Variants in MSI1 observed in about 807,000 individuals in gnomAD.
The protein encoded by MSI1 is musashi RNA binding protein 1.
Under a neutral mutation model 54.4 loss-of-function variants are expected in MSI1, and 15 were observed. That is an observed-to-expected ratio of 0.28 (90% CI 0.18 to 0.42). The LOEUF is 0.42. MSI1 is among the 20% of genes least tolerant of loss of function. The pLI, the probability that MSI1 is intolerant of heterozygous loss-of-function variation, is 1.00. For missense variants in MSI1, 304 were observed against 506.0 expected (o/e 0.60, Z 3.83); for synonymous variants, 200 against 196.5 (o/e 1.02, Z -0.15).
rs541014661 is a variant in MSI1, at chr12:120,360,020, C to G, written c.403-967G>C. Among the ~76,000 whole-genome samples the G allele has an allele frequency of 2.6e-5, 4 of 152,216 alleles. No homozygotes were observed. The South Asian group carries it at 8.3e-4, about 32-fold the overall frequency. ...TTTTTTTTGGAGACAGAGTCTTACTCTGTCACCCAGGCTGGAGTTCTGTGG... is the reference window on the plus strand; with the variant it reads ...TTTTTTTTGGAGACAGAGTCTTACTGTGTCACCCAGGCTGGAGTTCTGTGG... On this transcript the variant is annotated intron_variant, in intron 6 of 14. Coordinates refer to ENST00000257552, the MANE Select transcript of MSI1 (RefSeq NM_002442.4).
intron 4 of MSI1, among the ~76,000 whole-genome samples, chr12:120,366,768 T>C (rs1188405365): frequency 6.6e-6 from 1 of 151,864 alleles, no homozygotes; most frequent in Non-Finnish European, 1.5e-5. Context: ...CCCCATCTCC[T>C]AAGGATGCTC....
chr12:120,369,071 C>T lies in MSI1; in HGVS notation c.21G>A (p.Gln7=). 9.8e-7 allele frequency: 1 copy of T among 1,022,366 alleles called. No homozygotes were observed. Among genetic ancestry groups the T allele is most frequent in the Non-Finnish European group, 1.2e-6 (1 of 858,082 alleles). 63.3% of individuals were successfully genotyped at this position (1,022,366 alleles called of 1,614,324 possible). A position where few individuals can be genotyped will look rare whatever the true frequency, so the allele number is the denominator to read the frequency against. Residue 7 remains glutamine (Q), a synonymous_variant, in exon 1 of 15, where the codon CAG becomes CAA. Coordinates refer to ENST00000257552, the MANE Select transcript of MSI1 (RefSeq NM_002442.4). The part of the protein sequence containing the change: METDAP[Q]PGLASPDSPH... ...GCGAGTCCGGGGAGGCGAGGCCGGG[C>T]TGGGGCGCGTCAGTCTCCATCGGGA...
chr12:120,346,823 T>C (rs1291841620), intron 12 of MSI1, among the ~76,000 whole-genome samples: 1 of 152,208 alleles, frequency 6.6e-6, no homozygotes, highest in Non-Finnish European at 1.5e-5. Flanking sequence ...AGGCCCCAGC[T>C]GGGAGCTCCT....
chr12:120,353,172 T>C, intron 10 of MSI1, 127 bp downstream of exon 10: 1 of 902,310 alleles, frequency 1.1e-6, no homozygotes, highest in South Asian at 1.5e-5. Context: ...TCCTCAGACA[T>C]GCCCTTCCTT....
chr12:120,368,318 CT>C lies in MSI1; in HGVS notation c.101-46del. 6.9e-7 allele frequency: 1 copy of C among 1,448,706 alleles called. No individual in the cohort carries two copies. 89.7% of individuals were successfully genotyped at this position (1,448,706 alleles called of 1,614,324 possible). On this transcript the variant is annotated intron_variant, in intron 2 of 14. Coordinates refer to ENST00000257552, the MANE Select transcript of MSI1 (RefSeq NM_002442.4). This position sits in a 1 kb window ranked among gnomAD's most constrained non-coding sequence, Gnocchi z 6.6. Reference sequence around the variant, plus strand: ...TTCGGACCAGCCCGGGCCCCGCGCCCTTCCCCCCCCCCCGTCCTTTGCCCCC... The same window carrying C: ...TTCGGACCAGCCCGGGCCCCGCGCCCTCCCCCCCCCCCGTCCTTTGCCCCC...
At position 120,342,442 on chromosome 12, in the gene MSI1, CAT is replaced by C. The variant is rs890637503; in HGVS notation, c.*683_*684del. 8 of 152,422 alleles carry C rather than the reference CAT, an allele frequency of 5.2e-5. No homozygotes were observed. Among genetic ancestry groups the C allele is most frequent in the African/African-American group, 1.9e-4 (8 of 41,448 alleles). The allele number at this position is 152,422 out of a possible 1,614,324, so 9.4% of individuals were successfully genotyped here. A position where few individuals can be genotyped will look rare whatever the true frequency, so the allele number is the denominator to read the frequency against. On this transcript the variant is annotated 3_prime_UTR_variant, in exon 15 of 15. Transcript: ENST00000257552. The stretch of plus-strand genomic sequence containing the variant: ...TGGGCACATCACCTCACAGTATTTA[CAT>C]ATGATACAGGACGGGATGGTTCCAG...
intron 9 of MSI1, among the ~76,000 whole-genome samples, chr12:120,354,280 G>A (rs1023674698): frequency 2.6e-5 from 4 of 152,266 alleles, no homozygotes; most frequent in African/African-American, 7.2e-5. Flanking sequence ...TGGCCAGAAA[G>A]TACTCATGAT....
intron 14 of MSI1, among the ~76,000 whole-genome samples, chr12:120,345,288 T>C (rs1486335031): frequency 6.6e-6 from 1 of 151,822 alleles, no homozygotes; most frequent in African/African-American, 2.4e-5. Flanking sequence ...GCCCAGGAGG[T>C]GTGGGTGACA....
intron 9 of MSI1, among the ~76,000 whole-genome samples, chr12:120,356,201 T>G (rs1875102294): frequency 6.6e-6 from 1 of 152,198 alleles, no homozygotes; most frequent in Admixed American, 6.5e-5. Flanking sequence ...GAGAGCCCCA[T>G]GAGAGCAGGC....
At chr12:120,362,169 C>T (rs1875714623) in intron 6 of MSI1, among the ~76,000 whole-genome samples, 1 of 151,954 alleles carries the variant, frequency 6.6e-6, no homozygotes, top group Admixed American at 6.5e-5. Flanking sequence ...CCCCCCCCCA[C>T]ACAATCCCAG....
At chr12:120,367,434 T>G (rs1192459246) in intron 4 of MSI1, among the ~76,000 whole-genome samples, 1 of 151,976 alleles carries the variant, frequency 6.6e-6, no homozygotes, top group African/African-American at 2.4e-5. Context: ...TTCCGAAGGG[T>G]CGTTTCCAGG....
downstream of MSI1, among the ~76,000 whole-genome samples, chr12:120,339,774 T>C (rs1233626446): frequency 6.6e-6 from 1 of 151,356 alleles, no homozygotes; most frequent in Non-Finnish European, 1.5e-5. Flanking sequence ...CAGGCCCTTG[T>C]TAAAGTAATT....
intron 4 of MSI1, among the ~76,000 whole-genome samples, chr12:120,367,281 C>A (rs560691957): frequency 1.7e-3 from 252 of 152,260 alleles, no homozygotes; most frequent in African/African-American, 5.8e-3. Flanking sequence ...GGGAGTAACC[C>A]CCTCCTCTGA....
At chr12:120,367,941 G>A in intron 4 of MSI1, 67 bp downstream of exon 4, 1 of 1,499,452 alleles carries the variant, frequency 6.7e-7, no homozygotes, top group Non-Finnish European at 9.1e-7. Flanking sequence ...CCTGGGGAGA[G>A]TCCTGACCCT....
chr12:120,353,170 C>T, intron 10 of MSI1, 129 bp downstream of exon 10: 1 of 893,590 alleles, frequency 1.1e-6, no homozygotes, highest in South Asian at 1.5e-5. Context: ...TTTCCTCAGA[C>T]ATGCCCTTCC....
intron 7 of MSI1, 70 bp from the exon 8 acceptor site, chr12:120,357,968 G>A (rs1327081741): frequency 6.8e-5 from 88 of 1,300,858 alleles, no homozygotes; most frequent in Non-Finnish European, 8.7e-5. Flanking sequence ...ACCCCAGGTC[G>A]TACCAATATC....
chr12:120,342,118 G>C lies in MSI1; in HGVS notation c.*1009C>G, dbSNP rs1261585588. 1 of 153,512 alleles carries C rather than the reference G, an allele frequency of 6.5e-6. No homozygotes were observed. Among genetic ancestry groups the C allele is most frequent in the African/African-American group, 2.4e-5 (1 of 41,464 alleles). The allele number at this position is 153,512 out of a possible 1,614,324, so 9.5% of individuals were successfully genotyped here. ...CTCATTGCGGGGGTCGAGGGGGAAG[G>C]GGGACAGACTGAGCAGAAACCATGA... On this transcript the variant is annotated 3_prime_UTR_variant, in exon 15 of 15. Coordinates refer to ENST00000257552, the MANE Select transcript of MSI1 (RefSeq NM_002442.4).
At chr12:120,344,014 G>A (rs1246123294) in intron 14 of MSI1, among the ~76,000 whole-genome samples, 2 of 152,106 alleles carry the variant, frequency 1.3e-5, no homozygotes, top group South Asian at 2.1e-4. Flanking sequence ...GCACCATCAC[G>A]CCAGCCAAGT....
chr12:120,345,765 G>A, intron 13 of MSI1, 133 bp from the exon 14 acceptor site: 1 of 1,055,168 alleles, frequency 9.5e-7, no homozygotes, highest in Non-Finnish European at 1.4e-6. Flanking sequence ...CCCTACTGCA[G>A]GTCTGCCTAC....
Sources: allele counts gnomAD v4.1 joint callset (sites outside exome capture counted in the v4.1 genomes callset), GRCh38; gene constraint gnomAD v4.1.1; non-coding constraint Gnocchi (gnomAD v3.1); transcripts MANE v1.5; gene names NCBI Gene and HGNC (gene_info 2026-07-23, HGNC 2026-07-21).